ZNF280D: variants seen among roughly 807,000 people sequenced by gnomAD.
The protein encoded by ZNF280D is zinc finger protein 280D.
A neutral mutation model predicts 94.7 loss-of-function variants in ZNF280D; 39 were observed. The ratio of observed to expected loss-of-function variants is 0.41; its 90% CI spans 0.32 to 0.54. The LOEUF (loss-of-function observed/expected upper bound fraction) is 0.54, where lower values mean the gene tolerates loss of function less well. Among genes scored for constraint, ZNF280D ranks in the 20% least tolerant of loss-of-function variants. ZNF280D has a pLI of 0.22. For missense variants in ZNF280D, 1,090 were observed against 1,149.3 expected (o/e 0.95, Z 0.75); for synonymous variants, 398 against 377.6 (o/e 1.05, Z -0.63).
At chr15:56,694,424 T>C (rs2056621879) in intron 6 of ZNF280D, among the ~76,000 whole-genome samples, 1 of 151,736 alleles carries the variant, frequency 6.6e-6, no homozygotes, top group Non-Finnish European at 1.5e-5. Context: ...CCATTCTACA[T>C]GTCATAATAC....
intron 13 of ZNF280D, among the ~76,000 whole-genome samples, chr15:56,671,608 G>A (rs2054869295): frequency 3.9e-5 from 6 of 152,078 alleles, no homozygotes; most frequent in Admixed American, 3.9e-4. Flanking sequence ...ATCAGGTAGT[G>A]TGATTCCTCC....
chr15:56,704,351 G>A (rs2057272369), intron 3 of ZNF280D, 84 bp from the exon 4 acceptor site: 6 of 1,319,748 alleles, frequency 4.5e-6, no homozygotes, highest in African/African-American at 1.5e-5. Flanking sequence ...TTAATTTTAA[G>A]GTGTACTTTA....
At chr15:56,685,473 T>C (rs1372396385) in intron 9 of ZNF280D, among the ~76,000 whole-genome samples, 4 of 152,136 alleles carry the variant, frequency 2.6e-5, no homozygotes, top group African/African-American at 9.7e-5. Flanking sequence ...GAAGAGTTCA[T>C]AGATTGCCTC....
rs1443423428 is a variant in ZNF280D, at chr15:56,666,859, G to C, written c.1673C>G (p.Ala558Gly). 6.2e-7 allele frequency: 1 copy of C among 1,613,858 alleles called. No individual in the cohort carries two copies. Among genetic ancestry groups the C allele is most frequent in the South Asian group, 1.1e-5 (1 of 91,066 alleles). ...ATTAGGTTTACTTGTATTAGATTTT[G>C]CAGGATTTTTAGCAGTTATATTTTT... ...RTKNITAKNPAKSNTSKPNTV... is the reference protein window; with the variant it reads ...RTKNITAKNPGKSNTSKPNTV... Residue 558 changes from alanine (A) to glycine (G), a missense_variant, in exon 15 of 22, where the codon GCA becomes GGA. Ala to Gly is a moderately conservative substitution (Grantham distance 60). Transcript: ENST00000267807.
chr15:56,667,686 A>C (rs1396414065), intron 14 of ZNF280D, among the ~76,000 whole-genome samples: 1 of 152,164 alleles, frequency 6.6e-6, no homozygotes, highest in East Asian at 1.9e-4. Context: ...AGGAACAGTC[A>C]ATAAGGAAGT....
At chr15:56,679,538 T>C (rs1162095760) in intron 10 of ZNF280D, among the ~76,000 whole-genome samples, 1 of 152,246 alleles carries the variant, frequency 6.6e-6, no homozygotes, top group Non-Finnish European at 1.5e-5. Context: ...TCAGCTTCCC[T>C]AATAGGCTTC....
At chr15:56,648,639 G>GT (rs1275946078) in intron 19 of ZNF280D, among the ~76,000 whole-genome samples, 1 of 152,104 alleles carries the variant, frequency 6.6e-6, no homozygotes, top group Non-Finnish European at 1.5e-5. Flanking sequence ...CTGTATCTCA[G>GT]TTGTCTCATC....
intron 1 of ZNF280D, among the ~76,000 whole-genome samples, chr15:56,720,620 C>T (rs1296626938): frequency 6.6e-6 from 1 of 152,106 alleles, no homozygotes. Flanking sequence ...AGCAGTTACA[C>T]CCTTACAAAA....
chr15:56,717,939 T>G (rs1308824393), intron 1 of ZNF280D, among the ~76,000 whole-genome samples: 1 of 152,076 alleles, frequency 6.6e-6, no homozygotes, highest in African/African-American at 2.4e-5. Flanking sequence ...GAAGATGAAC[T>G]CTAGGTGAGA....
rs148379942 is a variant in ZNF280D, at chr15:56,667,873, C to T, written c.1546-887G>A. 1.1e-3 allele frequency: 191 copies of T among 181,148 alleles called. 1 individual carries two copies. The highest frequency in any genetic ancestry group is 4.3e-3 in the African/African-American group (180 of 41,658). The allele number at this position is 181,148 out of a possible 1,614,324, so 11.2% of individuals were successfully genotyped here. A position where few individuals can be genotyped will look rare whatever the true frequency, so the allele number is the denominator to read the frequency against. On this transcript the variant is annotated intron_variant, in intron 14 of 21. Coordinates refer to ENST00000267807, the MANE Select transcript of ZNF280D (RefSeq NM_017661.4). Reference sequence around the variant, plus strand: ...GTGGATTGTGGTATGAATTAGACAACAGAATGTATGAAAAAGTACACTGAA... The same window carrying T: ...GTGGATTGTGGTATGAATTAGACAATAGAATGTATGAAAAAGTACACTGAA...
intron 19 of ZNF280D, among the ~76,000 whole-genome samples, chr15:56,646,407 G>C (rs1009074348): frequency 2.6e-5 from 4 of 152,016 alleles, no homozygotes; most frequent in Admixed American, 2.6e-4. Flanking sequence ...CCAGCCCTCT[G>C]GCTTGAGCAA....
At chr15:56,688,979 AATC>A in intron 9 of ZNF280D, 59 bp downstream of exon 9, 5 of 1,010,552 alleles carry the variant, frequency 4.9e-6, no homozygotes, top group Admixed American at 2.2e-5. Context: ...TAATTACTGT[AATC>A]ATCAGTATTT....
intron 1 of ZNF280D, among the ~76,000 whole-genome samples, chr15:56,708,863 T>C (rs1365201062): frequency 6.6e-6 from 1 of 152,072 alleles, no homozygotes; most frequent in Non-Finnish European, 1.5e-5. Context: ...TAATTCAAGA[T>C]GGATTAAAGA....
intron 20 of ZNF280D, among the ~76,000 whole-genome samples, chr15:56,640,525 A>T (rs1318330771): frequency 6.6e-6 from 1 of 152,164 alleles, no homozygotes; most frequent in East Asian, 1.9e-4. Flanking sequence ...TTAAACTTAA[A>T]GATTTTATTT....
rs370777684 is a variant in ZNF280D at position 56,712,153 on chromosome 15, C to T, written c.-85-4847G>A. 5.3e-5 allele frequency among the ~76,000 whole-genome samples: 8 copies of T among 152,252 alleles called. No individual in the cohort carries two copies. In the East Asian group the frequency reaches 9.6e-4, roughly 18 times the overall value. ...TGTGGCTGTCAAATCTATCCTACCA[C>T]ATTTTCATCTTTTTAAAAAAGCATT... On this transcript the variant is annotated intron_variant, in intron 1 of 21. Coordinates refer to ENST00000267807, the MANE Select transcript of ZNF280D (RefSeq NM_017661.4).
At chr15:56,711,638 T>C (rs2057764676) in intron 1 of ZNF280D, among the ~76,000 whole-genome samples, 1 of 152,176 alleles carries the variant, frequency 6.6e-6, no homozygotes, top group Non-Finnish European at 1.5e-5. Flanking sequence ...CACTCCAGTC[T>C]GGGTGACACA....
intron 9 of ZNF280D, among the ~76,000 whole-genome samples, chr15:56,683,757 T>C (rs1334648165): frequency 6.6e-6 from 1 of 152,154 alleles, no homozygotes; most frequent in East Asian, 1.9e-4. Flanking sequence ...TTTTCCTCTT[T>C]TCCTCCTGAG....
At position 56,659,120 on chromosome 15, in the gene ZNF280D, C is replaced by G. The variant is rs189886366; in HGVS notation, c.1995-634G>C. On this transcript the variant is annotated intron_variant, in intron 16 of 21. Coordinates refer to ENST00000267807, the MANE Select transcript of ZNF280D (RefSeq NM_017661.4). Reference sequence around the variant, plus strand: ...CTTTCTGCCTCAGTCTCCTGGGTAGCTGAAACTACAGAGGGAGGCCACCGA... The same window carrying G: ...CTTTCTGCCTCAGTCTCCTGGGTAGGTGAAACTACAGAGGGAGGCCACCGA... Among the ~76,000 whole-genome samples the G allele has an allele frequency of 9.8e-4, 138 of 140,208 alleles. 1 individual carries two copies. The highest frequency in any genetic ancestry group is 3.6e-3 in the African/African-American group (136 of 37,398). The allele number at this position is 140,208 out of a possible 152,430, so 92.0% of individuals were successfully genotyped here. A position where few individuals can be genotyped will look rare whatever the true frequency, so the allele number is the denominator to read the frequency against.
intron 4 of ZNF280D, among the ~76,000 whole-genome samples, chr15:56,702,910 AACACACAC>A (rs59095987): frequency 0.16 from 21,275 of 135,598 alleles, 1,614 homozygotes; most frequent in Admixed American, 0.2. Flanking sequence ...ATGGTAAGTA[AACACACAC>A]ACACACACAC....
Sources: allele counts gnomAD v4.1 joint callset (sites outside exome capture counted in the v4.1 genomes callset), GRCh38; gene constraint gnomAD v4.1.1; transcripts MANE v1.5; gene names NCBI Gene and HGNC (gene_info 2026-07-23, HGNC 2026-07-21).